The following LPAR3 variants were observed in gnomAD, a reference collection of about 807,000 sequenced individuals.
The protein encoded by LPAR3 is lysophosphatidic acid receptor 3.
In LPAR3, 7 loss-of-function variants were observed where a neutral mutation model predicts 17.8. The observed-to-expected ratio is 0.39, with a 90% CI of 0.22 to 0.74. LPAR3 has a LOEUF of 0.74. LPAR3 is among the 30% of genes least tolerant of loss of function. The pLI, the probability that LPAR3 is intolerant of heterozygous loss-of-function variation, is 0.40. For synonymous variants in LPAR3, 179 were observed against 179.9 expected, an observed-to-expected ratio of 0.99 and a Z score of 0.04; for missense variants, 391 against 453.4, an observed-to-expected ratio of 0.86 and a Z score of 1.25.
chr1:84,830,341 A>G (rs1227574902), intron 2 of LPAR3, among the ~76,000 whole-genome samples: 1 of 152,172 alleles, frequency 6.6e-6, no homozygotes, highest in East Asian at 1.9e-4. Context: ...GGGCAAGCCA[A>G]AGGGAGGAGG....
intron 2 of LPAR3, among the ~76,000 whole-genome samples, chr1:84,849,903 G>T (rs1659670169): frequency 6.6e-6 from 1 of 152,174 alleles, no homozygotes; most frequent in Non-Finnish European, 1.5e-5. Context: ...TAGTAGGGTT[G>T]GTCCTAGGCT....
intron 1 of LPAR3, among the ~76,000 whole-genome samples, chr1:84,885,405 A>G (rs991358485): frequency 6.6e-6 from 1 of 152,260 alleles, no homozygotes; most frequent in Non-Finnish European, 1.5e-5. Flanking sequence ...TGGGGAAAAT[A>G]GTACCCTCAT....
chr1:84,813,715 T>G lies in LPAR3; in HGVS notation c.*131A>C, dbSNP rs1658867647. ...CTTTTAAACTATGAAAAAAAATTTT[T>G]TAAAGAAATCTAGCAGTGATTAATG... is the stretch of plus-strand genomic sequence containing the variant. On this transcript the variant is annotated 3_prime_UTR_variant, in exon 3 of 3. Transcript: ENST00000370611. The G allele has an allele frequency of 1.3e-6, 1 of 761,628 alleles. No individual in the cohort carries two copies. Among genetic ancestry groups the G allele is most frequent in the Non-Finnish European group, 2.1e-6 (1 of 486,430 alleles). 47.2% of individuals were successfully genotyped at this position (761,628 alleles called of 1,614,324 possible).
At chr1:84,833,019 A>T (rs1162618038) in intron 2 of LPAR3, among the ~76,000 whole-genome samples, 1 of 152,132 alleles carries the variant, frequency 6.6e-6, no homozygotes, top group South Asian at 2.1e-4. Context: ...AACCACATAA[A>T]TATAAAGGCT....
chr1:84,842,906 T>C (rs1208751268), intron 2 of LPAR3, among the ~76,000 whole-genome samples: 1 of 152,206 alleles, frequency 6.6e-6, no homozygotes, highest in East Asian at 1.9e-4. Context: ...ATTCCCTACA[T>C]GTTGAGACAT....
chr1:84,888,181 G>T (rs12031075), intron 1 of LPAR3, among the ~76,000 whole-genome samples: 1 of 31,822 alleles, frequency 3.1e-5, no homozygotes, highest in African/African-American at 9.8e-5. Flanking sequence ...CACACACACA[G>T]AGAGAGGCAG....
rs1658846696 is a variant in LPAR3, at chr1:84,813,125, G to GAATATA, written c.*715_*720dup. 5.7e-5 allele frequency: 1 copy of GAATATA among 17,504 alleles called. No individual in the cohort carries two copies. Among genetic ancestry groups the GAATATA allele is most frequent in the Non-Finnish European group, 1.0e-4 (1 of 10,028 alleles). 1.1% of individuals were successfully genotyped at this position (17,504 alleles called of 1,614,324 possible). ...AATCAATAAAAATCAGTAAAAACAG[G>GAATATA]AATATATATATATATATATATATAT... On this transcript the variant is annotated 3_prime_UTR_variant, in exon 3 of 3. Coordinates refer to ENST00000370611, the MANE Select transcript of LPAR3 (RefSeq NM_012152.3).
At chr1:84,852,381 T>G (rs1218167448) in intron 2 of LPAR3, among the ~76,000 whole-genome samples, 3 of 152,054 alleles carry the variant, frequency 2.0e-5, no homozygotes, top group African/African-American at 7.2e-5. Context: ...ACCCAGCCAA[T>G]TTGGTGAATA....
intron 1 of LPAR3, among the ~76,000 whole-genome samples, chr1:84,870,495 C>T (rs1232493299): frequency 2.0e-5 from 3 of 152,246 alleles, no homozygotes; most frequent in Non-Finnish European, 2.9e-5. Flanking sequence ...CTGACTTATA[C>T]ATCAATCACT....
intron 1 of LPAR3, among the ~76,000 whole-genome samples, chr1:84,883,397 TACC>T (rs1430059801): frequency 6.6e-6 from 1 of 152,198 alleles, no homozygotes; most frequent in Non-Finnish European, 1.5e-5. Context: ...TGTTTTTCAT[TACC>T]TTTTAGTCCC....
intron 2 of LPAR3, among the ~76,000 whole-genome samples, chr1:84,836,414 A>G (rs563379400): frequency 6.6e-6 from 1 of 152,110 alleles, no homozygotes; most frequent in African/African-American, 2.4e-5. Context: ...ACATTAAAAT[A>G]GTTAACCAAT....
intron 1 of LPAR3, among the ~76,000 whole-genome samples, chr1:84,888,228 A>G (rs1188394427): frequency 6.6e-6 from 1 of 151,892 alleles, no homozygotes; most frequent in African/African-American, 2.4e-5. Flanking sequence ...AGAGGGAGAG[A>G]TTGAGATTTC....
intron 2 of LPAR3, among the ~76,000 whole-genome samples, chr1:84,842,421 G>A (rs1046910952): frequency 8.5e-5 from 13 of 152,200 alleles, no homozygotes; most frequent in Non-Finnish European, 1.8e-4. Flanking sequence ...AACCTATAAC[G>A]TATGGTTATG....
intron 2 of LPAR3, among the ~76,000 whole-genome samples, chr1:84,848,026 C>T (rs1315657688): frequency 6.6e-6 from 1 of 152,198 alleles, no homozygotes; most frequent in African/African-American, 2.4e-5. Context: ...TAACACTGGT[C>T]TGTCTGCAGC....
chr1:84,881,222 T>G, intron 1 of LPAR3, among the ~76,000 whole-genome samples: 1 of 150,946 alleles, frequency 6.6e-6, no homozygotes, highest in Non-Finnish European at 1.5e-5. Context: ...AGGGGCAGGA[T>G]GGTGAGGGGA....
chr1:84,833,608 G>A (rs1659335194), intron 2 of LPAR3, among the ~76,000 whole-genome samples: 1 of 152,250 alleles, frequency 6.6e-6, no homozygotes, highest in African/African-American at 2.4e-5. Flanking sequence ...TGTTTTAGCA[G>A]CGTGGCTTCT....
At chr1:84,854,066 G>A (rs950341473) in intron 2 of LPAR3, among the ~76,000 whole-genome samples, 10 of 152,098 alleles carry the variant, frequency 6.6e-5, no homozygotes, top group African/African-American at 2.4e-4. Context: ...ATCTGACAAT[G>A]AAGTCCACAG....
rs1206774677 is a variant in LPAR3, at chr1:84,813,158, T to TATAGAGAGAGAGAGAG, written c.*687_*688insCTCTCTCTCTCTCTAT. ...ATATATATATATATATATATATATA[T>TATAGAGAGAGAGAGAG]AGACACACACACACACACACACACA... On this transcript the variant is annotated 3_prime_UTR_variant, in exon 3 of 3. Transcript: ENST00000370611. 79 of 101,670 alleles carry TATAGAGAGAGAGAGAG rather than the reference T, an allele frequency of 7.8e-4. No homozygotes were observed. The highest frequency in any genetic ancestry group is 3.3e-3 in the East Asian group (12 of 3,672). 6.3% of individuals were successfully genotyped at this position (101,670 alleles called of 1,614,324 possible). A position where few individuals can be genotyped will look rare whatever the true frequency, so the allele number is the denominator to read the frequency against.
intron 2 of LPAR3, among the ~76,000 whole-genome samples, chr1:84,834,062 C>G (rs990542508): frequency 2.0e-5 from 3 of 152,216 alleles, no homozygotes; most frequent in African/African-American, 7.2e-5. Flanking sequence ...TGAAAAAGAC[C>G]TGCGTGGTAG....
Sources: gnomAD v4.1 joint callset for allele counts (sites outside exome capture counted in the v4.1 genomes callset) on GRCh38, gnomAD v4.1.1 for gene constraint, MANE v1.5 for transcripts, NCBI Gene and HGNC (gene_info 2026-07-23, HGNC 2026-07-21) for gene names.